Variants in PVT1 observed in about 807,000 individuals in gnomAD.
The protein encoded by PVT1 is Pvt1 oncogene, also known as CXCR4/PVT1 fusion.
rs1397257697 is a variant in PVT1, at chr8:127,898,885, T to C, written n.782+7887T>C. 6.6e-6 allele frequency among the ~76,000 whole-genome samples: 1 copy of C among 152,192 alleles called. No individual in the cohort carries two copies. Among genetic ancestry groups the C allele is most frequent in the Non-Finnish European group, 1.5e-5 (1 of 68,036 alleles). Reference sequence around the variant, plus strand: ...ATCACTCCACAAGGGGTGGGGGTACTGGACAGAAAGAGTGTGTCCCACCTG... The same window carrying C: ...ATCACTCCACAAGGGGTGGGGGTACCGGACAGAAAGAGTGTGTCCCACCTG... On this transcript the variant is annotated intron_variant and non_coding_transcript_variant, in intron 3 of 10. Coordinates refer to ENST00000651587, the Ensembl canonical transcript of PVT1. The surrounding 1 kb of genome is among the most constrained non-coding windows in gnomAD (Gnocchi z 4.4).
intron 3 of PVT1, among the ~76,000 whole-genome samples, chr8:127,927,750 C>T (rs369988494): frequency 3.3e-5 from 5 of 152,166 alleles, no homozygotes; most frequent in African/African-American, 7.2e-5. Context: ...GCCGTGCTGA[C>T]CCCCCAACCA....
At chr8:127,937,813 T>TG (rs1816298227) in intron 3 of PVT1, among the ~76,000 whole-genome samples, 1 of 152,138 alleles carries the variant, frequency 6.6e-6, no homozygotes, top group African/African-American at 2.4e-5. Flanking sequence ...AGGGCATTAT[T>TG]TATTACCCAT....
chr8:127,967,081 G>A (rs375535572), intron 3 of PVT1, among the ~76,000 whole-genome samples: 21 of 152,238 alleles, frequency 1.4e-4, no homozygotes, highest in South Asian at 1.0e-3. Flanking sequence ...ACCTGACAAC[G>A]CCTTGGGTAA....
chr8:128,080,735 G>A (rs936195785), intron 5 of PVT1, among the ~76,000 whole-genome samples: 1 of 152,106 alleles, frequency 6.6e-6, no homozygotes, highest in African/African-American at 2.4e-5. Flanking sequence ...TCATCAATTA[G>A]TTTTTTCATA....
intron 3 of PVT1, among the ~76,000 whole-genome samples, chr8:127,893,120 G>A (rs969670757): frequency 1.3e-5 from 2 of 152,172 alleles, no homozygotes; most frequent in African/African-American, 2.4e-5. Context: ...CCTTCTCTGT[G>A]TCAGCAAGGA....
At chr8:128,026,883 G>C (rs1171063282) in intron 4 of PVT1, among the ~76,000 whole-genome samples, 1 of 152,182 alleles carries the variant, frequency 6.6e-6, no homozygotes, top group African/African-American at 2.4e-5. Context: ...TCATTCCATA[G>C]AAGAGATGGA....
chr8:127,893,542 C>T (rs775710018), intron 3 of PVT1, among the ~76,000 whole-genome samples: 18 of 152,168 alleles, frequency 1.2e-4, no homozygotes, highest in Admixed American at 3.3e-4. Flanking sequence ...CCACCTTGCC[C>T]GGTCTGTTTT....
rs531882001 is a variant in PVT1 at position 127,915,059 on chromosome 8, A to G, written n.782+24061A>G. On this transcript the variant is annotated intron_variant and non_coding_transcript_variant, in intron 3 of 10. Transcript: ENST00000651587. ...AGGCTGGTCTCAAACTCCTGACTTC[A>G]GGTGATCCACCCACCTCGGCCTCCC... Among the ~76,000 whole-genome samples the G allele has an allele frequency of 1.2e-3, 175 of 151,976 alleles. 1 individual carries two copies. The highest frequency in any genetic ancestry group is 3.9e-3 in the Admixed American group (60 of 15,268).
intron 3 of PVT1, among the ~76,000 whole-genome samples, chr8:127,962,159 G>T (rs1014051108): frequency 6.6e-6 from 1 of 152,196 alleles, no homozygotes; most frequent in Non-Finnish European, 1.5e-5. Context: ...TACAGACGGG[G>T]TTTCACCATG....
In PVT1 at chr8:127,814,312, C is replaced by T. The variant is rs140800701; in HGVS notation, n.372+18241C>T. On this transcript the variant is annotated intron_variant and non_coding_transcript_variant, in intron 2 of 10. Transcript: ENST00000651587. Reference sequence around the variant, plus strand: ...GGCCATATCTGGGTCTCTCCAGAATCCAGGAGCCTGCCTGACGCGTCAGCC... The same window carrying T: ...GGCCATATCTGGGTCTCTCCAGAATTCAGGAGCCTGCCTGACGCGTCAGCC... Among the ~76,000 whole-genome samples the T allele has an allele frequency of 4.3e-4, 65 of 152,334 alleles. No homozygotes were observed. In the East Asian group the frequency reaches 0.013, roughly 29 times the overall value.
intron 3 of PVT1, among the ~76,000 whole-genome samples, chr8:127,916,314 G>A (rs149718702): frequency 9.1e-4 from 138 of 152,300 alleles, no homozygotes; most frequent in African/African-American, 2.9e-3. Context: ...CTGGAATCAA[G>A]TTCAAGCTTC....
At chr8:127,983,175 G>T (rs1816904484) in intron 3 of PVT1, among the ~76,000 whole-genome samples, 1 of 152,184 alleles carries the variant, frequency 6.6e-6, no homozygotes, top group Admixed American at 6.5e-5. Flanking sequence ...TCACCTATGT[G>T]CCAGGCTGCT....
At chr8:128,043,232 T>G (rs1221020098) in intron 4 of PVT1, among the ~76,000 whole-genome samples, 1 of 152,192 alleles carries the variant, frequency 6.6e-6, no homozygotes, top group Non-Finnish European at 1.5e-5. Context: ...AATTTCTGAA[T>G]TTTGGATGTA....
intron 3 of PVT1, among the ~76,000 whole-genome samples, chr8:127,959,571 G>A (rs1255540446): frequency 4.4e-5 from 6 of 135,820 alleles, no homozygotes; most frequent in African/African-American, 1.7e-4. Context: ...GCAACAGCGC[G>A]AGACTCTGTC....
intron 2 of PVT1, among the ~76,000 whole-genome samples, chr8:127,825,426 T>A (rs894760445): frequency 6.6e-6 from 1 of 152,208 alleles, no homozygotes; most frequent in Non-Finnish European, 1.5e-5. Flanking sequence ...GACTTGGGTC[T>A]TGTTGAGGTG....
intron 3 of PVT1, among the ~76,000 whole-genome samples, chr8:127,895,664 T>TA (rs1248661031): frequency 6.6e-6 from 1 of 152,152 alleles, no homozygotes; most frequent in Non-Finnish European, 1.5e-5. Context: ...CATAAAGGTA[T>TA]AAAAAATATT....
intron 4 of PVT1, among the ~76,000 whole-genome samples, chr8:127,993,007 G>A (rs188235301): frequency 3.3e-4 from 51 of 152,286 alleles, no homozygotes; most frequent in African/African-American, 1.1e-3. Context: ...TGGCCCACTC[G>A]GAACTCTACG....
chr8:127,977,331 G>A (rs1013062959), intron 3 of PVT1, among the ~76,000 whole-genome samples: 16 of 152,132 alleles, frequency 1.1e-4, no homozygotes, highest in Non-Finnish European at 2.9e-5. Context: ...TGTGGGTTCT[G>A]CCCCTGAAGC....
rs56809896 is a variant in PVT1 at position 127,889,136 on chromosome 8, C to CT, written n.373-1442dup. Among the ~76,000 whole-genome samples the CT allele has an allele frequency of 2.9e-3, 373 of 126,782 alleles. 1 individual carries two copies. Among genetic ancestry groups the CT allele is most frequent in the South Asian group, 0.023 (92 of 3,974 alleles). The allele number at this position is 126,782 out of a possible 152,430, so 83.2% of individuals were successfully genotyped here. On this transcript the variant is annotated intron_variant and non_coding_transcript_variant, in intron 2 of 10. Coordinates refer to ENST00000651587, the Ensembl canonical transcript of PVT1. ...CCCTCTCTCTCTTTCTTTCTTTCTT[C>CT]TTTTTTTTTTTGAGATAGAGTCTCA...
Sources: gnomAD v4.1 joint callset for allele counts (sites outside exome capture counted in the v4.1 genomes callset) on GRCh38, gnomAD v4.1.1 for gene constraint, Gnocchi (gnomAD v3.1) non-coding constraint, MANE v1.5 for transcripts, NCBI Gene and HGNC (gene_info 2026-07-23, HGNC 2026-07-21) for gene names.